MAX: variants seen among roughly 807,000 people sequenced by gnomAD.
MAX encodes protein max.
In MAX, 3 loss-of-function variants were observed where a neutral mutation model predicts 22.3. The observed-to-expected ratio is 0.13, with a 90% CI of 0.06 to 0.35. MAX has a LOEUF of 0.35. Among genes scored for constraint, MAX ranks in the 10% least tolerant of loss-of-function variants. MAX has a pLI of 1.00. For missense variants in MAX, 119 were observed against 209.4 expected, an observed-to-expected ratio of 0.57 and a Z score of 2.66; for synonymous variants, 72 against 77.7, an observed-to-expected ratio of 0.93 and a Z score of 0.39.
chr14:65,006,152 G>A (rs981416179), downstream of MAX: 2 of 1,518,998 alleles, frequency 1.3e-6, no homozygotes, highest in South Asian at 2.3e-5. Context: ...TGTTACCTTT[G>A]TGTCTTTTTT....
chr14:65,040,922 A>C, intron 3 of MAX: 7 of 1,613,192 alleles, frequency 4.3e-6, no homozygotes, highest in Non-Finnish European at 5.9e-6. Flanking sequence ...GCTTATTAGT[A>C]AGTATCTTTT....
chr14:65,065,553 C>T (rs1181190810), intron 3 of MAX, among the ~76,000 whole-genome samples: 1 of 152,122 alleles, frequency 6.6e-6, no homozygotes, highest in Non-Finnish European at 1.5e-5. Context: ...AGCTTGTCAC[C>T]GTACTGGATA....
At chr14:65,090,331 C>T (rs770477475) in intron 3 of MAX, 4 of 152,146 alleles carry the variant, frequency 2.6e-5, no homozygotes, top group Non-Finnish European at 4.4e-5. Context: ...TAGCCCCTGT[C>T]CTGTTACAGA....
chr14:65,089,196 C>G (rs1471875145), intron 3 of MAX, among the ~76,000 whole-genome samples: 1 of 152,160 alleles, frequency 6.6e-6, no homozygotes, highest in Non-Finnish European at 1.5e-5. Flanking sequence ...GCTGAGCAAG[C>G]CTGCTGTTTC....
At chr14:65,055,102 C>A (rs1402302743) in intron 3 of MAX, among the ~76,000 whole-genome samples, 2 of 152,250 alleles carry the variant, frequency 1.3e-5, no homozygotes, top group African/African-American at 4.8e-5. Context: ...TAGATGCCAT[C>A]TCTTCAGAGA....
In MAX at chr14:65,077,906, T is replaced by G. The variant is rs2139751930; in HGVS notation, c.295+7A>C. 2 of 1,614,150 alleles carry G rather than the reference T, an allele frequency of 1.2e-6. No individual in the cohort carries two copies. The highest frequency in any genetic ancestry group is 3.3e-5 in the Admixed American group (2 of 60,008). On this transcript the variant is annotated splice_region_variant and intron_variant, in intron 4 of 4. Coordinates refer to ENST00000358664, the MANE Select transcript of MAX (RefSeq NM_002382.5). The surrounding 1 kb of genome is among the most constrained non-coding windows in gnomAD (Gnocchi z 6.3). ...GGGCCAGCTGCCCCACGAGCTCGGG[T>G]GCTCACCTTGCTGCTCCAGAAGAGC...
chr14:65,095,024 TC>T (rs776485208), intron 2 of MAX, among the ~76,000 whole-genome samples: 26 of 152,216 alleles, frequency 1.7e-4, no homozygotes, highest in African/African-American at 3.1e-4. Context: ...TAATGCTGCC[TC>T]ACATTAATCC....
chr14:65,027,366 T>C lies in MAX; in HGVS notation c.172-21082A>G, dbSNP rs1373957544. On this transcript the variant is annotated intron_variant, in intron 3 of 3. Transcript: ENST00000341653. This position sits in a 1 kb window ranked among gnomAD's most constrained non-coding sequence, Gnocchi z 5.7. ...CAACTTTTGAGGGAGTGGGGGATCA[T>C]TGGAAAGGCCTGGAATCTAGTGGGA... is the stretch of plus-strand genomic sequence containing the variant. 1.9e-5 allele frequency: 29 copies of C among 1,566,458 alleles called. No homozygotes were observed. The South Asian group carries it at 2.5e-4, about 14-fold the overall frequency.
downstream of MAX, among the ~76,000 whole-genome samples, chr14:65,071,821 G>A (rs1355912541): frequency 6.6e-6 from 1 of 152,220 alleles, no homozygotes; most frequent in Non-Finnish European, 1.5e-5. This position sits in a 1 kb window ranked among gnomAD's most constrained non-coding sequence, Gnocchi z 4.2. Flanking sequence ...GGGTTTGCCA[G>A]GAGAGCCTCC....
rs1469534275 is a variant in MAX, at chr14:65,075,279, A to G, written c.*1197T>C. The G allele has an allele frequency of 1.9e-6, 2 of 1,061,142 alleles. No homozygotes were observed. The highest frequency in any genetic ancestry group is 3.3e-5 in the African/African-American group (2 of 60,806). The allele number at this position is 1,061,142 out of a possible 1,614,324, so 65.7% of individuals were successfully genotyped here. ...GACTACAGAGTATACACTAGAAATC[A>G]GCAAATGCCAGGAACGGAGTAGGAA... On this transcript the variant is annotated 3_prime_UTR_variant, in exon 5 of 5. Coordinates refer to ENST00000358664, the MANE Select transcript of MAX (RefSeq NM_002382.5). The surrounding 1 kb of genome is among the most constrained non-coding windows in gnomAD (Gnocchi z 4.1).
chr14:65,084,332 T>C lies in MAX; in HGVS notation c.172-6296A>G, dbSNP rs759767717. ...ATAAACATGTGGAAAAGCAATTAAT[T>C]TCACAAGTAATAAATAGAATACAAA... is the stretch of plus-strand genomic sequence containing the variant. On this transcript the variant is annotated intron_variant, in intron 3 of 4. Coordinates refer to ENST00000358664, the MANE Select transcript of MAX (RefSeq NM_002382.5). The surrounding 1 kb of genome is among the most constrained non-coding windows in gnomAD (Gnocchi z 4.3). 8.1e-7 allele frequency: 1 copy of C among 1,240,416 alleles called. No homozygotes were observed. The highest frequency in any genetic ancestry group is 2.3e-5 in the East Asian group (1 of 43,054). 76.8% of individuals were successfully genotyped at this position (1,240,416 alleles called of 1,614,324 possible).
chr14:65,093,686 TCAGCTTTCTCAG>T lies in MAX; in HGVS notation c.171+10_171+21del, dbSNP rs1350019232. On this transcript the variant is annotated intron_variant, in intron 3 of 4. Transcript: ENST00000358664. This position sits in a 1 kb window ranked among gnomAD's most constrained non-coding sequence, Gnocchi z 4.4. ...TTCCAAGCTAGTAGTGGCCAGCTACTCAGCTTTCTCAGGAAACTCACCTTCTCTCCTTGGAGT... is the reference window on the plus strand; with the variant it reads ...TTCCAAGCTAGTAGTGGCCAGCTACTGAAACTCACCTTCTCTCCTTGGAGT... 7.5e-7 allele frequency: 1 copy of T among 1,326,270 alleles called. No individual in the cohort carries two copies. 82.2% of individuals were successfully genotyped at this position (1,326,270 alleles called of 1,614,324 possible). A position where few individuals can be genotyped will look rare whatever the true frequency, so the allele number is the denominator to read the frequency against.
chr14:65,015,687 T>C, intron 3 of MAX: 1 of 1,614,210 alleles, frequency 6.2e-7, no homozygotes. Context: ...AACTGCTAGA[T>C]GAACCCATCC....
chr14:65,089,326 G>A (rs2063432064), intron 3 of MAX, among the ~76,000 whole-genome samples: 1 of 152,034 alleles, frequency 6.6e-6, no homozygotes, highest in African/African-American at 2.4e-5. Flanking sequence ...AAGAAATTCT[G>A]TTTTTCTTTA....
chr14:65,075,253 A>C lies in MAX; in HGVS notation c.*1223T>G, dbSNP rs1426845180. The C allele has an allele frequency of 9.4e-7, 1 of 1,059,372 alleles. No homozygotes were observed. The highest frequency in any genetic ancestry group is 5.2e-5 in the East Asian group (1 of 19,338). 65.6% of individuals were successfully genotyped at this position (1,059,372 alleles called of 1,614,324 possible). A position where few individuals can be genotyped will look rare whatever the true frequency, so the allele number is the denominator to read the frequency against. On this transcript the variant is annotated 3_prime_UTR_variant, in exon 5 of 5. Transcript: ENST00000358664. This position sits in a 1 kb window ranked among gnomAD's most constrained non-coding sequence, Gnocchi z 4.1. ...ATGGAATGGAATCAAACACGAACTG[A>C]GACTACAGAGTATACACTAGAAATC...
intron 3 of MAX, among the ~76,000 whole-genome samples, chr14:65,035,893 A>C (rs963575324): frequency 6.8e-6 from 1 of 146,946 alleles, no homozygotes; most frequent in Non-Finnish European, 1.5e-5. Context: ...TTGCAGTGAT[A>C]TGATCACGGC....
chr14:65,078,545 T>G lies in MAX; in HGVS notation c.172-509A>C, dbSNP rs2063123834. 6.6e-6 allele frequency among the ~76,000 whole-genome samples: 1 copy of G among 151,176 alleles called. No homozygotes were observed. Among genetic ancestry groups the G allele is most frequent in the African/African-American group, 2.4e-5 (1 of 41,074 alleles). ...TGTTGTTGTTGTTGTTTTTTTTTTT[T>G]TGGAGACGTAGTCTCGCTCTGTTGC... is the stretch of plus-strand genomic sequence containing the variant. On this transcript the variant is annotated intron_variant, in intron 3 of 4. Coordinates refer to ENST00000358664, the MANE Select transcript of MAX (RefSeq NM_002382.5). The surrounding 1 kb of genome is among the most constrained non-coding windows in gnomAD (Gnocchi z 6.4).
intron 3 of MAX, among the ~76,000 whole-genome samples, chr14:65,064,326 T>C (rs563313025): frequency 1.3e-5 from 2 of 152,310 alleles, no homozygotes; most frequent in East Asian, 1.9e-4. Flanking sequence ...TAAGACACCA[T>C]TGCAACTGGT....
chr14:65,066,528 CT>C (rs2139712796), intron 3 of MAX, among the ~76,000 whole-genome samples: 1 of 152,300 alleles, frequency 6.6e-6, no homozygotes, highest in South Asian at 2.1e-4. Flanking sequence ...TCTGCTCCCC[CT>C]GAGGAAATAC....
Sources: allele counts gnomAD v4.1 joint callset (sites outside exome capture counted in the v4.1 genomes callset), GRCh38; gene constraint gnomAD v4.1.1; non-coding constraint Gnocchi (gnomAD v3.1); transcripts MANE v1.5; gene names NCBI Gene and HGNC (gene_info 2026-07-23, HGNC 2026-07-21).